SCAPER: variants seen among roughly 807,000 people sequenced by gnomAD.
SCAPER encodes S-phase cyclin A associated protein in the ER.
In SCAPER, 98 loss-of-function variants were observed where a neutral mutation model predicts 182.2. That is an observed-to-expected ratio of 0.54 (90% CI 0.46 to 0.64). The LOEUF (loss-of-function observed/expected upper bound fraction) is 0.64, where lower values mean the gene tolerates loss of function less well. Ranked by LOEUF, SCAPER falls within the 30% of genes least tolerant of loss-of-function variation. The pLI, the probability that SCAPER is intolerant of heterozygous loss-of-function variation, is 0.00. For missense variants in SCAPER, 1,432 were observed against 1,690.0 expected, an observed-to-expected ratio of 0.85 and a Z score of 2.68; for synonymous variants, 605 against 564.6, an observed-to-expected ratio of 1.07 and a Z score of -1.01.
At position 76,841,907 on chromosome 15, in the gene SCAPER, T is replaced by G; in HGVS notation, c.220A>C (p.Thr74Pro). The change falls in exon 5 of 32, where the codon ACA becomes CCA. Residue 74 changes from threonine (T) to proline (P), a missense_variant. Transcript: ENST00000563290. ...TGTTTATCTCCAGTCGTAGACGATG[T>G]TATTTTACAGTCCACTGCAGTACTC... is the stretch of plus-strand genomic sequence containing the variant. ...KQSTAVDCKITSSTTGDKHFD... is the reference protein window; with the variant it reads ...KQSTAVDCKIPSSTTGDKHFD... The G allele has an allele frequency of 6.2e-7, 1 of 1,613,904 alleles. No homozygotes were observed. Among genetic ancestry groups the G allele is most frequent in the Non-Finnish European group, 8.5e-7 (1 of 1,179,842 alleles).
chr15:76,494,648 C>A (rs2040324778), intron 24 of SCAPER, among the ~76,000 whole-genome samples: 1 of 152,102 alleles, frequency 6.6e-6, no homozygotes, highest in African/African-American at 2.4e-5. Context: ...GAGATCCAAC[C>A]AAGAACGCTC....
intron 4 of SCAPER, among the ~76,000 whole-genome samples, chr15:76,855,205 A>G (rs1035830778): frequency 6.6e-6 from 1 of 152,170 alleles, no homozygotes; most frequent in African/African-American, 2.4e-5. Flanking sequence ...AATGGTGTTG[A>G]GATAACTGGG....
At chr15:76,691,206 T>C (rs1167144199) in intron 20 of SCAPER, among the ~76,000 whole-genome samples, 1 of 152,014 alleles carries the variant, frequency 6.6e-6, no homozygotes, top group African/African-American at 2.4e-5. Context: ...CACAGAAATG[T>C]ACAGATTTAC....
chr15:76,812,497 A>AAAAAAAAAAAAAG (rs61243906), intron 5 of SCAPER, among the ~76,000 whole-genome samples: 7 of 122,462 alleles, frequency 5.7e-5, no homozygotes, highest in Non-Finnish European at 1.0e-4. Context: ...AAAAAAAAAA[A>AAAAAAAAAAAAAG]AAAGAAAGAA....
At chr15:76,717,526 A>G (rs935583663) in intron 17 of SCAPER, among the ~76,000 whole-genome samples, 1 of 152,074 alleles carries the variant, frequency 6.6e-6, no homozygotes, top group African/African-American at 2.4e-5. Context: ...GACATCAAAA[A>G]CGTAACTTGT....
chr15:76,673,534 T>C (rs1048552131), intron 20 of SCAPER, among the ~76,000 whole-genome samples: 3 of 152,150 alleles, frequency 2.0e-5, no homozygotes, highest in Non-Finnish European at 4.4e-5. Flanking sequence ...TATCATCTCT[T>C]CTGTCCTTGA....
intron 25 of SCAPER, among the ~76,000 whole-genome samples, chr15:76,456,052 CT>C (rs2048711019): frequency 6.6e-6 from 1 of 152,172 alleles, no homozygotes; most frequent in South Asian, 2.1e-4. Context: ...GCCACATTTT[CT>C]TTATCCAGTC....
intron 20 of SCAPER, among the ~76,000 whole-genome samples, chr15:76,694,274 A>G (rs995334715): frequency 1.3e-5 from 2 of 152,118 alleles, no homozygotes; most frequent in Non-Finnish European, 2.9e-5. Flanking sequence ...TTTCATCAGT[A>G]TCTTACAGTT....
chr15:76,677,098 A>G (rs1405063425), intron 20 of SCAPER, among the ~76,000 whole-genome samples: 1 of 152,144 alleles, frequency 6.6e-6, no homozygotes, highest in African/African-American at 2.4e-5. Context: ...TGTGAGACAC[A>G]GTAGATAAGA....
chr15:76,656,385 C>T (rs2055636309), intron 21 of SCAPER, among the ~76,000 whole-genome samples: 1 of 152,176 alleles, frequency 6.6e-6, no homozygotes, highest in African/African-American at 2.4e-5. Context: ...CACAGGAGCA[C>T]ATAGATTCAT....
intron 5 of SCAPER, among the ~76,000 whole-genome samples, chr15:76,836,112 G>A (rs1380785923): frequency 6.6e-6 from 1 of 152,034 alleles, no homozygotes; most frequent in Non-Finnish European, 1.5e-5. Flanking sequence ...ACTGCCCAAA[G>A]CAATTTACAG....
intron 5 of SCAPER, among the ~76,000 whole-genome samples, chr15:76,810,375 T>C (rs545165739): frequency 7.9e-5 from 12 of 151,532 alleles, no homozygotes; most frequent in Middle Eastern, 3.4e-3. Flanking sequence ...GCAAGAGACA[T>C]AAAAGGAGAG....
chr15:76,681,490 C>G (rs2057700858), intron 20 of SCAPER, among the ~76,000 whole-genome samples: 1 of 152,170 alleles, frequency 6.6e-6, no homozygotes, highest in Non-Finnish European at 1.5e-5. Context: ...GGAGGAACAT[C>G]TATCACCCAG....
intron 23 of SCAPER, among the ~76,000 whole-genome samples, chr15:76,543,017 T>C (rs2044914183): frequency 6.6e-6 from 1 of 152,196 alleles, no homozygotes; most frequent in Non-Finnish European, 1.5e-5. Context: ...GTACATTTTT[T>C]TAATTTTTAA....
At chr15:76,450,272 A>G (rs1047843006) in intron 25 of SCAPER, among the ~76,000 whole-genome samples, 2 of 152,234 alleles carry the variant, frequency 1.3e-5, no homozygotes, top group Non-Finnish European at 2.9e-5. Flanking sequence ...AAGCAAATCA[A>G]TAGCTTTTTT....
chr15:76,623,812 A>T (rs1221710807), intron 21 of SCAPER, among the ~76,000 whole-genome samples: 1 of 152,206 alleles, frequency 6.6e-6, no homozygotes, highest in African/African-American at 2.4e-5. Context: ...AGACCATATG[A>T]TCATCTCAAT....
intron 26 of SCAPER, among the ~76,000 whole-genome samples, chr15:76,428,866 CTA>C (rs375991391): frequency 0.015 from 1,216 of 79,868 alleles, 91 homozygotes; most frequent in African/African-American, 0.048. Context: ...GATCATTATA[CTA>C]TATATATATA....
intron 5 of SCAPER, among the ~76,000 whole-genome samples, chr15:76,819,233 C>T (rs528389069): frequency 2.0e-5 from 3 of 152,306 alleles, no homozygotes; most frequent in South Asian, 4.1e-4. Context: ...GCTTTGAAGA[C>T]AGTAGTGGTT....
At chr15:76,371,693 T>C (rs62028378) in intron 29 of SCAPER, among the ~76,000 whole-genome samples, 146,940 of 151,278 alleles carry the variant, frequency 0.97, 71,495 homozygotes, top group South Asian at 1. Context: ...CCGAGGTGGG[T>C]GGATCACCTG....
Sources: gnomAD v4.1 joint callset for allele counts (sites outside exome capture counted in the v4.1 genomes callset) on GRCh38, gnomAD v4.1.1 for gene constraint, MANE v1.5 for transcripts, NCBI Gene and HGNC (gene_info 2026-07-23, HGNC 2026-07-21) for gene names.